Variants in ARHGEF10 observed in about 807,000 individuals in gnomAD.
ARHGEF10 encodes the protein Rho guanine nucleotide exchange factor (GEF) 10.
In ARHGEF10, 140 loss-of-function variants were observed where a neutral mutation model predicts 147.4. The ratio of observed to expected loss-of-function variants is 0.95; its 90% confidence interval spans 0.83 to 1.09. The LOEUF (loss-of-function observed/expected upper bound fraction) is 1.09, where lower values mean the gene tolerates loss of function less well. Ranked by LOEUF, ARHGEF10 falls within the 50% of genes least tolerant of loss-of-function variation. ARHGEF10 has a pLI of 0.00. For missense variants in ARHGEF10, 2,222 were observed against 1,752.7 expected (o/e 1.27, Z -4.78); for synonymous variants, 902 against 695.8 (o/e 1.30, Z -4.67).
chr8:1,839,582 GCTGTCTGGTGTGGGA>G (rs1188005387), intron 1 of ARHGEF10, among the ~76,000 whole-genome samples: 1 of 122,738 alleles, frequency 8.1e-6, no homozygotes. Flanking sequence ...TGGTGTGGAA[GCTGTCTGGTGTGGGA>G]CTGTCTGCTG....
At position 1,943,169 on chromosome 8, in the gene ARHGEF10, G is replaced by C. The variant is rs547757012; in HGVS notation, c.3223-2312G>C. On this transcript the variant is annotated intron_variant, in intron 26 of 28. Coordinates refer to ENST00000349830, the MANE Select transcript of ARHGEF10 (RefSeq NM_014629.4). The stretch of plus-strand genomic sequence containing the variant: ...AGCGGCCTGCCTAGCACAGGCAGGA[G>C]GAGGGGAACCCTACAGCCCAGCCGG... 6.6e-5 allele frequency among the ~76,000 whole-genome samples: 10 copies of C among 152,366 alleles called. No individual in the cohort carries two copies. In the South Asian group the frequency reaches 1.7e-3, roughly 25 times the overall value.
intron 11 of ARHGEF10, among the ~76,000 whole-genome samples, chr8:1,891,333 C>G (rs569700788): frequency 2.1e-4 from 32 of 152,270 alleles, no homozygotes; most frequent in Middle Eastern, 6.8e-3. Flanking sequence ...AATTCTTGTT[C>G]TCCTCTAGAA....
chr8:1,832,568 GCAGAGACAGAGGCAGAGA>G (rs1803210784), intron 1 of ARHGEF10, among the ~76,000 whole-genome samples: 2 of 104,782 alleles, frequency 1.9e-5, no homozygotes, highest in East Asian at 3.2e-4. Flanking sequence ...AGAGACAGAG[GCAGAGACAGAGGCAGAGA>G]CAGAGACAGA....
At chr8:1,838,729 C>T (rs1040051615) in intron 1 of ARHGEF10, among the ~76,000 whole-genome samples, 5 of 151,890 alleles carry the variant, frequency 3.3e-5, no homozygotes, top group African/African-American at 9.7e-5. Context: ...GGCCGTCCAC[C>T]GTGGGGACTG....
chr8:1,859,988 C>T lies in ARHGEF10; in HGVS notation c.285C>T (p.Ile95=), dbSNP rs539543107. 2.6e-5 allele frequency: 42 copies of T among 1,614,170 alleles called. No homozygotes were observed. The highest frequency in any genetic ancestry group is 2.2e-4 in the Admixed American group (13 of 60,022). ...TGAAAGTCAACCCATATTCTGTCAT[C>T]GACATCACGCCATTCCAGGAGGACC... The part of the protein sequence containing the change: ...LPMKVNPYSV[I]DITPFQEDQP... The change falls in exon 4 of 29, where the codon ATC becomes ATT. Residue 95 remains isoleucine (I), a synonymous_variant. Transcript: ENST00000349830.
intron 18 of ARHGEF10, among the ~76,000 whole-genome samples, chr8:1,922,148 C>T (rs1391897651): frequency 6.6e-6 from 1 of 151,892 alleles, no homozygotes; most frequent in African/African-American, 2.4e-5. Context: ...ACATTACTTC[C>T]TGTAGTACAC....
chr8:1,859,829 C>G, intron 3 of ARHGEF10, 68 bp from the exon 4 acceptor site: 1 of 1,593,724 alleles, frequency 6.3e-7, no homozygotes, highest in Non-Finnish European at 8.6e-7. Flanking sequence ...CCCACTTGCG[C>G]TCCAGGAGGG....
At chr8:1,904,903 G>A (rs1275148575) in intron 16 of ARHGEF10, among the ~76,000 whole-genome samples, 9 of 152,124 alleles carry the variant, frequency 5.9e-5, no homozygotes, top group South Asian at 4.2e-4. Flanking sequence ...GGTGGATCAC[G>A]TGAGGTCAGG....
In ARHGEF10 at chr8:1,956,112, G is replaced by A. The variant is rs572112089; in HGVS notation, c.3521-637G>A. ...CACCCACAAAGCATCCAGAAGACACGCCAGGTCCACGTGATGCTTACAGAA... is the reference window on the plus strand; with the variant it reads ...CACCCACAAAGCATCCAGAAGACACACCAGGTCCACGTGATGCTTACAGAA... On this transcript the variant is annotated intron_variant, in intron 28 of 28. Transcript: ENST00000349830. Among the ~76,000 whole-genome samples, 12 of 152,328 alleles carry A rather than the reference G, an allele frequency of 7.9e-5. No homozygotes were observed. The South Asian group carries it at 2.3e-3, about 29-fold the overall frequency.
intron 1 of ARHGEF10, among the ~76,000 whole-genome samples, chr8:1,835,976 T>C (rs1803554340): frequency 6.6e-6 from 1 of 152,000 alleles, no homozygotes; most frequent in Middle Eastern, 3.2e-3. Flanking sequence ...GCTCAGGAGA[T>C]CGAGACCATC....
At chr8:1,954,562 A>G (rs1815326452) in intron 28 of ARHGEF10, among the ~76,000 whole-genome samples, 1 of 152,210 alleles carries the variant, frequency 6.6e-6, no homozygotes, top group Non-Finnish European at 1.5e-5. Flanking sequence ...CATAACGCAC[A>G]GTTTCACAGT....
At chr8:1,956,343 C>A (rs1250513628) in intron 28 of ARHGEF10, among the ~76,000 whole-genome samples, 1 of 152,132 alleles carries the variant, frequency 6.6e-6, no homozygotes, top group Non-Finnish European at 1.5e-5. Context: ...CATTTCTTTC[C>A]CAAACCAACA....
rs1812462093 is a variant in ARHGEF10, at chr8:1,923,604, T to C, written c.2387+9T>C. The C allele has an allele frequency of 3.1e-6, 5 of 1,614,144 alleles. No homozygotes were observed. The African/African-American group carries it at 6.7e-5, about 22-fold the overall frequency. On this transcript the variant is annotated intron_variant, in intron 20 of 28. Transcript: ENST00000349830. ...CCCGGGAAGCAGGACAAGTTAGTAG[T>C]AGCTTTAAAACGAAACCTTCTTGGC...
At chr8:1,871,691 A>T (rs1443237227) in intron 7 of ARHGEF10, among the ~76,000 whole-genome samples, 1 of 152,112 alleles carries the variant, frequency 6.6e-6, no homozygotes, top group South Asian at 2.1e-4. Context: ...GATGGTAGGC[A>T]CCTGTAATTC....
chr8:1,945,853 G>A (rs1040039983), intron 27 of ARHGEF10, 198 bp downstream of exon 27: 27 of 709,196 alleles, frequency 3.8e-5, no homozygotes, highest in Non-Finnish European at 5.2e-5. Flanking sequence ...AGCGCTTCCC[G>A]GTGCAGGGCA....
At chr8:1,938,721 A>G (rs1414676353) in intron 26 of ARHGEF10, among the ~76,000 whole-genome samples, 1 of 152,174 alleles carries the variant, frequency 6.6e-6, no homozygotes, top group Non-Finnish European at 1.5e-5. Flanking sequence ...GGACTGCTTG[A>G]GGCTAGGAGT....
At chr8:1,850,196 G>A (rs1228882010) in intron 2 of ARHGEF10, among the ~76,000 whole-genome samples, 1,028 of 61,438 alleles carry the variant, frequency 0.017, no homozygotes, top group South Asian at 0.029. Context: ...GGCGTGGGGC[G>A]GCCACATGGG....
At chr8:1,878,987 C>T (rs564332927) in intron 8 of ARHGEF10, among the ~76,000 whole-genome samples, 44 of 152,266 alleles carry the variant, frequency 2.9e-4, no homozygotes, top group African/African-American at 9.1e-4. Context: ...GCAGACAGGG[C>T]GCCCGTGTGT....
chr8:1,908,227 A>ATTTTTTTTTTTT (rs11288174), intron 17 of ARHGEF10, among the ~76,000 whole-genome samples: 18 of 110,052 alleles, frequency 1.6e-4, no homozygotes, highest in South Asian at 5.9e-4. Context: ...CCACACTTTG[A>ATTTTTTTTTTTT]TTTTTTTTTT....
Sources: gnomAD v4.1 joint callset for allele counts (sites outside exome capture counted in the v4.1 genomes callset) on GRCh38, gnomAD v4.1.1 for gene constraint, MANE v1.5 for transcripts, NCBI Gene and HGNC (gene_info 2026-07-23, HGNC 2026-07-21) for gene names.